The following OPCML variants were observed in gnomAD, a reference collection of about 807,000 sequenced individuals.
OPCML encodes opioid binding protein/cell adhesion molecule like.
In OPCML, 13 loss-of-function variants were observed where a neutral mutation model predicts 37.8. The ratio of observed to expected loss-of-function variants is 0.34; its 90% CI spans 0.22 to 0.55. OPCML has a LOEUF of 0.55. OPCML is among the 20% of genes least tolerant of loss of function. OPCML has a pLI of 0.91. For synonymous variants in OPCML, 176 were observed against 168.8 expected (o/e 1.04, Z -0.33); for missense variants, 341 against 435.6 (o/e 0.78, Z 1.93).
At chr11:132,991,097 G>A (rs1004463508) in intron 1 of OPCML, among the ~76,000 whole-genome samples, 1 of 152,166 alleles carries the variant, frequency 6.6e-6, no homozygotes, top group Admixed American at 6.5e-5. Flanking sequence ...ATTGCCATAA[G>A]AAAAATGTCT....
chr11:132,623,267 C>T (rs1301684142), intron 3 of OPCML, among the ~76,000 whole-genome samples: 1 of 151,958 alleles, frequency 6.6e-6, no homozygotes, highest in Non-Finnish European at 1.5e-5. Flanking sequence ...TATGAAACAG[C>T]CTTGGCTCTG....
At chr11:133,088,451 G>A (rs1404433849) in intron 1 of OPCML, among the ~76,000 whole-genome samples, 1 of 152,188 alleles carries the variant, frequency 6.6e-6, no homozygotes, top group Non-Finnish European at 1.5e-5. Flanking sequence ...AAAACAGCAA[G>A]CTCACACTCA....
At chr11:133,207,158 G>C (rs1402189110) in intron 1 of OPCML, among the ~76,000 whole-genome samples, 1 of 151,026 alleles carries the variant, frequency 6.6e-6, no homozygotes, top group Non-Finnish European at 1.5e-5. Context: ...AAATTAACCA[G>C]GTGTGGTGGC....
In OPCML at chr11:133,405,288, G is replaced by A. The variant is rs148771109; in HGVS notation, c.61+126976C>T. On this transcript the variant is annotated intron_variant, in intron 1 of 7. Coordinates refer to ENST00000524381, the MANE Select transcript of OPCML (RefSeq NM_001012393.5). Reference sequence around the variant, plus strand: ...TCCAGCAAACTCATTTTGACAGGGCGTCTGGGCTGAATCTGGGGGCACATA... The same window carrying A: ...TCCAGCAAACTCATTTTGACAGGGCATCTGGGCTGAATCTGGGGGCACATA... Among the ~76,000 whole-genome samples, 284 of 152,262 alleles carry A rather than the reference G, an allele frequency of 1.9e-3. 1 individual carries two copies. Among genetic ancestry groups the A allele is most frequent in the Non-Finnish European group, 7.1e-4 (48 of 68,020 alleles).
intron 1 of OPCML, among the ~76,000 whole-genome samples, chr11:133,140,882 ACGACGACGAC>A (rs1565468325): frequency 0.012 from 219 of 18,566 alleles, 30 homozygotes; most frequent in African/African-American, 0.015. Context: ...GAAGAAGACG[ACGACGACGAC>A]GAAGACGACG....
chr11:132,690,126 G>C (rs1328905608), intron 2 of OPCML, among the ~76,000 whole-genome samples: 1 of 151,732 alleles, frequency 6.6e-6, no homozygotes, highest in Non-Finnish European at 1.5e-5. Context: ...TTTCTTTTTT[G>C]GCAGCGTCTT....
chr11:132,444,759 C>A (rs1764492740), intron 4 of OPCML, among the ~76,000 whole-genome samples: 1 of 152,110 alleles, frequency 6.6e-6, no homozygotes, highest in African/African-American at 2.4e-5. Context: ...ATCCTTGACT[C>A]TCCTTAGAAC....
intron 1 of OPCML, among the ~76,000 whole-genome samples, chr11:133,042,080 T>G (rs1370529646): frequency 6.6e-6 from 1 of 152,118 alleles, no homozygotes; most frequent in Non-Finnish European, 1.5e-5. Flanking sequence ...CTCTGGACAC[T>G]GACTAATCAC....
chr11:133,097,019 T>C (rs74533926), intron 1 of OPCML, among the ~76,000 whole-genome samples: 4,750 of 152,188 alleles, frequency 0.031, 248 homozygotes, highest in African/African-American at 0.11. Flanking sequence ...ATGGACATAG[T>C]TGGACTCAAA....
chr11:132,702,161 T>G (rs2135925543), intron 2 of OPCML, among the ~76,000 whole-genome samples: 1 of 152,352 alleles, frequency 6.6e-6, no homozygotes, highest in Admixed American at 6.5e-5. Context: ...GAGTGACTTT[T>G]ACATTGCACA....
intron 3 of OPCML, among the ~76,000 whole-genome samples, chr11:132,546,331 T>C (rs2096368582): frequency 6.6e-6 from 1 of 152,176 alleles, no homozygotes; most frequent in Non-Finnish European, 1.5e-5. Context: ...TGGTGTTTGG[T>C]TACATGAATA....
At chr11:133,054,636 T>C (rs1948189340) in intron 1 of OPCML, among the ~76,000 whole-genome samples, 2 of 152,250 alleles carry the variant, frequency 1.3e-5, no homozygotes, top group Admixed American at 1.3e-4. Context: ...CAGGCAAAGA[T>C]GATTTCGATT....
Position 133,211,274 on chromosome 11 carries a change from C to T in OPCML, c.62-268264G>A, listed in dbSNP as rs756324715. On this transcript the variant is annotated intron_variant, in intron 1 of 7. Coordinates refer to ENST00000524381, the MANE Select transcript of OPCML (RefSeq NM_001012393.5). This position sits in a 1 kb window ranked among gnomAD's most constrained non-coding sequence, Gnocchi z 4.1. ...TGGTGGACATTTGTTATTTTTAGAG[C>T]CTCTAATTGAGACCACAGCACCCAG... is the stretch of plus-strand genomic sequence containing the variant. 7.2e-5 allele frequency among the ~76,000 whole-genome samples: 11 copies of T among 152,104 alleles called. No homozygotes were observed. The highest frequency in any genetic ancestry group is 1.3e-4 in the Non-Finnish European group (9 of 68,030).
chr11:133,194,432 A>G (rs1292357862), intron 1 of OPCML, among the ~76,000 whole-genome samples: 1 of 152,014 alleles, frequency 6.6e-6, no homozygotes, highest in Non-Finnish European at 1.5e-5. Flanking sequence ...CTGGTCTCGA[A>G]TTCCTGACCC....
chr11:132,953,576 C>T (rs1007053783), intron 1 of OPCML, among the ~76,000 whole-genome samples: 1 of 151,954 alleles, frequency 6.6e-6, no homozygotes, highest in Non-Finnish European at 1.5e-5. Context: ...TTGAGACCTA[C>T]AAGCCATAAA....
At chr11:132,930,444 G>A (rs1424472092) in intron 2 of OPCML, among the ~76,000 whole-genome samples, 1 of 152,110 alleles carries the variant, frequency 6.6e-6, no homozygotes, top group East Asian at 1.9e-4. Context: ...TCTGTTCACA[G>A]ATGATATAAT....
chr11:133,320,333 C>A (rs1943300175), intron 1 of OPCML, among the ~76,000 whole-genome samples: 1 of 152,080 alleles, frequency 6.6e-6, no homozygotes, highest in South Asian at 2.1e-4. Flanking sequence ...TTCTGGATCC[C>A]ATGGAACTCA....
chr11:132,524,989 C>T (rs1044203898), intron 4 of OPCML, among the ~76,000 whole-genome samples: 6 of 152,210 alleles, frequency 3.9e-5, no homozygotes, highest in Admixed American at 3.3e-4. Context: ...GCTACCCAGA[C>T]TCCTCTCATT....
chr11:132,838,940 A>C (rs2136297225), intron 2 of OPCML, among the ~76,000 whole-genome samples: 1 of 152,320 alleles, frequency 6.6e-6, no homozygotes, highest in South Asian at 2.1e-4. Flanking sequence ...GAGGTCCTTA[A>C]GAATTTGTTC....
Sources: gnomAD v4.1 joint callset for allele counts (sites outside exome capture counted in the v4.1 genomes callset) on GRCh38, gnomAD v4.1.1 for gene constraint, Gnocchi (gnomAD v3.1) non-coding constraint, MANE v1.5 for transcripts, NCBI Gene and HGNC (gene_info 2026-07-23, HGNC 2026-07-21) for gene names.